RCHY1: variants seen among roughly 807,000 people sequenced by gnomAD.
The protein encoded by RCHY1 is RING finger and CHY zinc finger domain-containing protein 1.
A neutral mutation model predicts 41.6 loss-of-function variants in RCHY1; 21 were observed. The ratio of observed to expected loss-of-function variants is 0.51; its 90% CI spans 0.36 to 0.73. The LOEUF is 0.73. Ranked by LOEUF, RCHY1 falls within the 30% of genes least tolerant of loss-of-function variation. The pLI is 0.00. For synonymous variants in RCHY1, 79 were observed against 102.9 expected (o/e 0.77, Z 1.41); for missense variants, 265 against 325.3 (o/e 0.81, Z 1.43).
At chr4:75,502,441 G>A (rs1314215026) in intron 3 of RCHY1, among the ~76,000 whole-genome samples, 1 of 152,084 alleles carries the variant, frequency 6.6e-6, no homozygotes, top group Non-Finnish European at 1.5e-5. Context: ...TTGGGAGGCT[G>A]AGGCAGGAAA....
chr4:75,492,260 T>G (rs748554543), intron 4 of RCHY1, among the ~76,000 whole-genome samples: 4 of 152,022 alleles, frequency 2.6e-5, no homozygotes, highest in Non-Finnish European at 5.9e-5. Flanking sequence ...GCATATTATG[T>G]ATGTTTTACT....
chr4:75,512,248 C>T (rs578136819), intron 1 of RCHY1, among the ~76,000 whole-genome samples: 1 of 152,324 alleles, frequency 6.6e-6, no homozygotes, highest in East Asian at 1.9e-4. Flanking sequence ...CATTTCACTT[C>T]TTCTCCTCTG....
At chr4:75,495,908 C>G (rs1723162386) in intron 3 of RCHY1, among the ~76,000 whole-genome samples, 1 of 152,126 alleles carries the variant, frequency 6.6e-6, no homozygotes, top group African/African-American at 2.4e-5. Context: ...TGTATATACA[C>G]ACACACATAT....
rs1034475065 is a variant in RCHY1 at position 75,479,959 on chromosome 4, G to T, written c.*2579C>A. 3 of 152,076 alleles carry T rather than the reference G, an allele frequency of 2.0e-5. No homozygotes were observed. Among genetic ancestry groups the T allele is most frequent in the Admixed American group, 6.6e-5 (1 of 15,264 alleles). The allele number at this position is 152,076 out of a possible 1,614,324, so 9.4% of individuals were successfully genotyped here. A position where few individuals can be genotyped will look rare whatever the true frequency, so the allele number is the denominator to read the frequency against. On this transcript the variant is annotated 3_prime_UTR_variant, in exon 9 of 9. Transcript: ENST00000324439. ...GTTTTTTACCTTCTTTCTTATAGAGGTATAACCTATACTTATGAAGTCAGA... is the reference window on the plus strand; with the variant it reads ...GTTTTTTACCTTCTTTCTTATAGAGTTATAACCTATACTTATGAAGTCAGA...
At position 75,480,540 on chromosome 4, in the gene RCHY1, A is replaced by C. The variant is rs1180941699; in HGVS notation, c.*1998T>G. 1 of 152,160 alleles carries C rather than the reference A, an allele frequency of 6.6e-6. No homozygotes were observed. Among genetic ancestry groups the C allele is most frequent in the Non-Finnish European group, 1.5e-5 (1 of 68,034 alleles). 9.4% of individuals were successfully genotyped at this position (152,160 alleles called of 1,614,324 possible). ...CAGCTTTCTTGTCTATGAGGACAAC[A>C]CTTACCCCACAGAATCATTGTAGTA... On this transcript the variant is annotated 3_prime_UTR_variant, in exon 9 of 9. Transcript: ENST00000324439.
chr4:75,487,266 T>C (rs977456357), intron 8 of RCHY1, among the ~76,000 whole-genome samples: 1 of 82,268 alleles, frequency 1.2e-5, no homozygotes, highest in Non-Finnish European at 2.3e-5. Flanking sequence ...AGTTAAATAT[T>C]TTTGTTTACT....
intron 3 of RCHY1, among the ~76,000 whole-genome samples, chr4:75,494,914 G>A (rs1723049034): frequency 6.6e-6 from 1 of 151,866 alleles, no homozygotes; most frequent in South Asian, 2.1e-4. Context: ...CAAATAATGA[G>A]ACAGGGACTG....
chr4:75,514,266 T>C lies in RCHY1; in HGVS notation c.21A>G (p.Glu7=). 6.2e-7 allele frequency: 1 copy of C among 1,612,602 alleles called. No homozygotes were observed. The highest frequency in any genetic ancestry group is 8.5e-7 in the Non-Finnish European group (1 of 1,178,782). The change falls in exon 1 of 9, where the codon GAA becomes GAG. Residue 7 remains glutamate (E), a synonymous_variant. Transcript: ENST00000324439. ...CTCGCTCTTGACCGCTGGCGCCATC[T>C]TCCCGGGCCGTCGCCGCCATCTCCT... MAATAR[E]DGASGQERGQ... is the part of the protein sequence containing the mutation.
At position 75,500,581 on chromosome 4, in the gene RCHY1, G is replaced by A. The variant is rs185815609; in HGVS notation, c.327-6402C>T. Among the ~76,000 whole-genome samples the A allele has an allele frequency of 1.1e-4, 16 of 152,184 alleles. No individual in the cohort carries two copies. The East Asian group carries it at 1.7e-3, about 17-fold the overall frequency. On this transcript the variant is annotated intron_variant, in intron 3 of 8. Coordinates refer to ENST00000324439, the MANE Select transcript of RCHY1 (RefSeq NM_015436.4). ...AATAATACACTATTAAACTCTGTAC[G>A]AAGCACTTGAATTGCTTACAGTGAT...
chr4:75,494,143 T>C lies in RCHY1; in HGVS notation c.363A>G (p.Lys121=). ...GATTCATAGCTAGGCATAAGTTACA[T>C]TTCAAACAATGGAAAAAATCTTCCT... The part of the protein sequence containing the change: ...GPKEDFFHCL[K]CNLCLAMNLQ... Residue 121 remains lysine (K), a synonymous_variant, in exon 4 of 9, where the codon AAA becomes AAG. Coordinates refer to ENST00000324439, the MANE Select transcript of RCHY1 (RefSeq NM_015436.4). 6.4e-7 allele frequency: 1 copy of C among 1,566,476 alleles called. No individual in the cohort carries two copies. Among genetic ancestry groups the C allele is most frequent in the South Asian group, 1.2e-5 (1 of 83,638 alleles).
intron 1 of RCHY1, among the ~76,000 whole-genome samples, chr4:75,511,940 C>G (rs1316616482): frequency 6.6e-6 from 1 of 152,118 alleles, no homozygotes; most frequent in Non-Finnish European, 1.5e-5. Context: ...TACAGAACAA[C>G]GGCACCCTCT....
rs1724589178 is a variant in RCHY1, at chr4:75,508,934, G to A, written c.212C>T (p.Ala71Val). The change falls in exon 3 of 9, where the codon GCC (alanine) becomes GTC (valine). Residue 71 changes from alanine to valine, a missense_variant and splice_region_variant. By Grantham distance (64) the Ala-to-Val change is moderately conservative. Transcript: ENST00000324439. ...QCINCEKIQH[A>V]QQTCEECSTL... The stretch of plus-strand genomic sequence containing the variant: ...GCTACATTCTTCACAAGTCTGTTGG[G>A]CCTAAAAAAGAAACATAATTAAAAA... 1.3e-6 allele frequency: 2 copies of A among 1,578,732 alleles called. No homozygotes were observed. Among genetic ancestry groups the A allele is most frequent in the East Asian group, 4.5e-5 (2 of 44,552 alleles).
At position 75,491,622 on chromosome 4, in the gene RCHY1, T is replaced by G. The variant is rs1326309083; in HGVS notation, c.525A>C (p.Glu175Asp). ...GHLLHRTCYEEMLKEGYRCPL... is the reference protein window; with the variant it reads ...GHLLHRTCYEDMLKEGYRCPL... ...TCCCAAACACTCACTCTTTCAACAT[T>G]TCTTCATAACACGTTCTGAAAGAAA... Residue 175 changes from glutamate (E) to aspartate (D), a missense_variant, in exon 7 of 9, where the codon GAA becomes GAC. By Grantham distance (45) the Glu-to-Asp change is conservative (BLOSUM62 2). Transcript: ENST00000324439. 6.2e-7 allele frequency: 1 copy of G among 1,601,784 alleles called. No homozygotes were observed. The highest frequency in any genetic ancestry group is 8.5e-7 in the Non-Finnish European group (1 of 1,169,978).
intron 3 of RCHY1, among the ~76,000 whole-genome samples, chr4:75,506,549 A>G (rs1252594544): frequency 6.6e-6 from 1 of 152,102 alleles, no homozygotes; most frequent in East Asian, 1.9e-4. Context: ...GCTTAAAAGC[A>G]GATTCAATGC....
At chr4:75,486,316 T>A (rs1721999143) in intron 8 of RCHY1, among the ~76,000 whole-genome samples, 1 of 152,264 alleles carries the variant, frequency 6.6e-6, no homozygotes, top group Middle Eastern at 3.4e-3. Flanking sequence ...TAATTTAAAA[T>A]CTTATAGTCA....
chr4:75,508,188 G>T (rs1379595826), intron 3 of RCHY1, among the ~76,000 whole-genome samples: 1 of 152,058 alleles, frequency 6.6e-6, no homozygotes, highest in East Asian at 1.9e-4. Flanking sequence ...ACTGAACACG[G>T]AACACCTTGG....
chr4:75,493,191 A>C (rs1454139217), intron 4 of RCHY1, among the ~76,000 whole-genome samples: 1 of 151,990 alleles, frequency 6.6e-6, no homozygotes, highest in African/African-American at 2.4e-5. Context: ...TTATCTTCAA[A>C]AAATTTACAA....
chr4:75,495,514 T>C (rs553995467), intron 3 of RCHY1, among the ~76,000 whole-genome samples: 1 of 151,992 alleles, frequency 6.6e-6, no homozygotes, highest in Non-Finnish European at 1.5e-5. Context: ...AAGAGATACA[T>C]GAAAATTCTG....
chr4:75,508,879 T>C lies in RCHY1; in HGVS notation c.267A>G (p.Ile89Met). The part of the protein sequence containing the change: ...STLFGEYYCD[I>M]CHLFDKDKKQ... Reference sequence around the variant, plus strand: ...TCTTATCTTTGTCAAACAAATGGCATATATCGCAATAATATTCTCCAAACA... The same window carrying C: ...TCTTATCTTTGTCAAACAAATGGCACATATCGCAATAATATTCTCCAAACA... Residue 89 changes from isoleucine to methionine, a missense_variant, in exon 3 of 9, where the codon ATA becomes ATG. By Grantham distance (10) the Ile-to-Met change is conservative (BLOSUM62 1). Transcript: ENST00000324439. 1 of 1,611,870 alleles carries C rather than the reference T, an allele frequency of 6.2e-7. No homozygotes were observed. The highest frequency in any genetic ancestry group is 8.5e-7 in the Non-Finnish European group (1 of 1,179,090).
Sources: allele counts gnomAD v4.1 joint callset (sites outside exome capture counted in the v4.1 genomes callset), GRCh38; gene constraint gnomAD v4.1.1; transcripts MANE v1.5; gene names NCBI Gene and HGNC (gene_info 2026-07-23, HGNC 2026-07-21).